SLC4A4: variants seen among roughly 807,000 people sequenced by gnomAD.
SLC4A4 encodes the protein electrogenic sodium bicarbonate cotransporter 1.
In SLC4A4, 27 loss-of-function variants were observed where a neutral mutation model predicts 111.5. The observed-to-expected ratio is 0.24, with a 90% confidence interval of 0.18 to 0.33. The LOEUF is 0.33. Ranked by LOEUF, SLC4A4 falls within the 10% of genes least tolerant of loss-of-function variation. The probability of loss-of-function intolerance (pLI) is 1.00; values close to 1 mark genes in which losing one functional copy is unlikely to be tolerated. For synonymous variants in SLC4A4, 443 were observed against 463.4 expected, an observed-to-expected ratio of 0.96 and a Z score of 0.57; for missense variants, 909 against 1,315.5, an observed-to-expected ratio of 0.69 and a Z score of 4.78.
intron 6 of SLC4A4, among the ~76,000 whole-genome samples, chr4:71,365,518 C>A (rs992867936): frequency 9.9e-5 from 15 of 152,108 alleles, no homozygotes; most frequent in Non-Finnish European, 1.6e-4. Context: ...AAAATATGAG[C>A]ACCATGGGTT....
In SLC4A4 at chr4:71,308,825, G is replaced by T. The variant is rs72650329; in HGVS notation, c.254-30545G>T. On this transcript the variant is annotated intron_variant, in intron 3 of 25. Coordinates refer to ENST00000264485, the MANE Select transcript of SLC4A4 (RefSeq NM_001098484.3). ...GGCTAGCTGCACGTGTGTTTTTTTCGTACCCCAGTAGTTCCTGGAACCCCA... is the reference window on the plus strand; with the variant it reads ...GGCTAGCTGCACGTGTGTTTTTTTCTTACCCCAGTAGTTCCTGGAACCCCA... Among the ~76,000 whole-genome samples, 18 of 151,984 alleles carry T rather than the reference G, an allele frequency of 1.2e-4. No homozygotes were observed. The South Asian group carries it at 1.7e-3, about 14-fold the overall frequency.
At chr4:71,505,610 T>C (rs7688956) in intron 16 of SLC4A4, among the ~76,000 whole-genome samples, 18,598 of 152,136 alleles carry the variant, frequency 0.12, 1,403 homozygotes, top group African/African-American at 0.21. Context: ...GGATACATAG[T>C]CTGCAAAAAT....
chr4:71,091,401 C>T (rs547303236), intron 1 of SLC4A4, among the ~76,000 whole-genome samples: 40 of 152,068 alleles, frequency 2.6e-4, no homozygotes, highest in African/African-American at 8.4e-4. Context: ...TACAGGCACC[C>T]GCCACCACGC....
chr4:71,413,500 T>C (rs1380849163), intron 7 of SLC4A4, among the ~76,000 whole-genome samples: 3 of 152,232 alleles, frequency 2.0e-5, no homozygotes, highest in Non-Finnish European at 4.4e-5. Flanking sequence ...CTATGTCTAC[T>C]TGTTAGTTTT....
chr4:71,143,527 G>C (rs1452614210), intron 2 of SLC4A4, among the ~76,000 whole-genome samples: 2 of 152,120 alleles, frequency 1.3e-5, no homozygotes, highest in Non-Finnish European at 2.9e-5. Flanking sequence ...TCACCACACC[G>C]ACTTCCACAA....
chr4:71,495,896 C>A (rs573449922), intron 15 of SLC4A4, among the ~76,000 whole-genome samples: 221 of 152,178 alleles, frequency 1.5e-3, no homozygotes, highest in Admixed American at 2.8e-3. Flanking sequence ...CCCTTCCACC[C>A]AACCACATTG....
At chr4:71,250,698 A>T (rs911968970) in intron 2 of SLC4A4, among the ~76,000 whole-genome samples, 1 of 152,178 alleles carries the variant, frequency 6.6e-6, no homozygotes, top group Non-Finnish European at 1.5e-5. Context: ...AAATTTGTCT[A>T]TTCTCTTGTT....
At chr4:71,279,032 T>C (rs1023087934) in intron 3 of SLC4A4, among the ~76,000 whole-genome samples, 23 of 152,344 alleles carry the variant, frequency 1.5e-4, no homozygotes, top group African/African-American at 5.0e-4. Flanking sequence ...ATTACCATAA[T>C]CAAGCTAATT....
intron 1 of SLC4A4, among the ~76,000 whole-genome samples, chr4:71,081,275 C>T (rs1467576682): frequency 6.6e-6 from 1 of 152,060 alleles, no homozygotes; most frequent in African/African-American, 2.4e-5. Flanking sequence ...TGGAAATTCC[C>T]CCACAAATTG....
chr4:71,123,051 A>G (rs1382449805), intron 2 of SLC4A4, among the ~76,000 whole-genome samples: 1 of 152,238 alleles, frequency 6.6e-6, no homozygotes, highest in Non-Finnish European at 1.5e-5. Context: ...CGATCTCTTG[A>G]AAAGCAAAAA....
intron 18 of SLC4A4, among the ~76,000 whole-genome samples, chr4:71,541,162 T>C (rs1007095385): frequency 1.3e-5 from 2 of 152,108 alleles, no homozygotes; most frequent in Non-Finnish European, 2.9e-5. Context: ...GGGAGGAGGC[T>C]CTGATGTAGA....
At chr4:71,474,526 T>C (rs910412032) in intron 14 of SLC4A4, among the ~76,000 whole-genome samples, 5 of 151,876 alleles carry the variant, frequency 3.3e-5, no homozygotes, top group African/African-American at 1.2e-4. Flanking sequence ...CTCTGCTACG[T>C]TGGTGAAGAA....
In SLC4A4 at chr4:71,190,514, C is replaced by T. The variant is rs532165841; in HGVS notation, c.-2+3113C>T. On this transcript the variant is annotated intron_variant, in intron 1 of 25. Coordinates refer to ENST00000264485, the MANE Select transcript of SLC4A4 (RefSeq NM_001098484.3). ...TTTCGTAATACTTCTGTGGCAATGGCTTTTATTGCATTTGGTAGTCTCAGC... is the reference window on the plus strand; with the variant it reads ...TTTCGTAATACTTCTGTGGCAATGGTTTTTATTGCATTTGGTAGTCTCAGC... 2.6e-5 allele frequency among the ~76,000 whole-genome samples: 4 copies of T among 152,038 alleles called. No individual in the cohort carries two copies. In the South Asian group the frequency reaches 6.2e-4, roughly 24 times the overall value.
intron 16 of SLC4A4, among the ~76,000 whole-genome samples, chr4:71,503,379 C>A (rs889260464): frequency 4.6e-5 from 7 of 151,406 alleles, no homozygotes; most frequent in Non-Finnish European, 7.4e-5. Flanking sequence ...ATTTTAATAT[C>A]CTTCATTCTT....
chr4:71,153,033 GTA>G (rs35271982), intron 2 of SLC4A4, among the ~76,000 whole-genome samples: 136 of 132,590 alleles, frequency 1.0e-3, no homozygotes, highest in Middle Eastern at 7.9e-3. Flanking sequence ...ATATGTGTGT[GTA>G]TATATATATA....
intron 2 of SLC4A4, among the ~76,000 whole-genome samples, chr4:71,113,462 C>G (rs1477437286): frequency 6.6e-6 from 1 of 152,164 alleles, no homozygotes; most frequent in African/African-American, 2.4e-5. Flanking sequence ...GAATCCTGAC[C>G]ACTAGTGGGC....
At chr4:71,178,633 C>T (rs562499701) in intron 2 of SLC4A4, among the ~76,000 whole-genome samples, 257 of 152,274 alleles carry the variant, frequency 1.7e-3, no homozygotes, top group African/African-American at 5.9e-3. Flanking sequence ...TCAACCCATA[C>T]ACCCTCCCAA....
rs73826499 is a variant in SLC4A4 at position 71,513,200 on chromosome 4, G to A, written c.2166+15508G>A. Among the ~76,000 whole-genome samples the A allele has an allele frequency of 9.1e-3, 1,384 of 151,928 alleles. 21 individuals are homozygous for A. Among genetic ancestry groups the A allele is most frequent in the African/African-American group, 0.03 (1,263 of 41,454 alleles). ...AGGTGGCAGTATTTTGAAACAGATC[G>A]CATTGAATCTGCAGACTGCTTTGTA... On this transcript the variant is annotated intron_variant, in intron 16 of 25. Transcript: ENST00000264485.
chr4:71,416,123 G>A (rs150707889), intron 7 of SLC4A4, among the ~76,000 whole-genome samples: 65 of 152,278 alleles, frequency 4.3e-4, no homozygotes, highest in African/African-American at 1.5e-3. Context: ...ATAACAATTA[G>A]CAAGCTTAGC....
Sources: allele counts gnomAD v4.1 joint callset (sites outside exome capture counted in the v4.1 genomes callset), GRCh38; gene constraint gnomAD v4.1.1; transcripts MANE v1.5; gene names NCBI Gene and HGNC (gene_info 2026-07-23, HGNC 2026-07-21).